Variants in KCNMB3 observed in about 807,000 individuals in gnomAD.
The protein encoded by KCNMB3 is calcium-activated potassium channel subunit beta-3.
Under a neutral mutation model 11.9 loss-of-function variants are expected in KCNMB3, and 18 were observed. That is an observed-to-expected ratio of 1.51 (90% CI 1.04 to 2.23). The LOEUF is 2.23. Among genes scored for constraint, KCNMB3 ranks in the 30% most tolerant of loss-of-function variants. The pLI is 0.00. For missense variants in KCNMB3, 247 were observed against 329.4 expected (o/e 0.75, Z 1.94); for synonymous variants, 78 against 119.2 (o/e 0.65, Z 2.25).
At chr3:179,253,617 C>G (rs1441047671), upstream of KCNMB3, among the ~76,000 whole-genome samples, 2 of 152,056 alleles carry the variant, frequency 1.3e-5, no homozygotes, top group Non-Finnish European at 1.5e-5. Flanking sequence ...ACCAGCCTGA[C>G]CAACATGGTG....
chr3:179,261,000 A>G, intron 1 of KCNMB3: 1 of 972,980 alleles, frequency 1.0e-6, no homozygotes, highest in East Asian at 2.4e-5. Context: ...ATGGATATAG[A>G]GGTGTCTCCG....
intron 1 of KCNMB3, chr3:179,259,489 C>T: frequency 6.2e-7 from 1 of 1,612,566 alleles, no homozygotes; most frequent in Non-Finnish European, 8.5e-7. Context: ...AGTTTTCCAT[C>T]CAACTTCATT....
intron 1 of KCNMB3, chr3:179,259,146 T>C (rs931757047): frequency 2.5e-6 from 4 of 1,573,200 alleles, no homozygotes; most frequent in Non-Finnish European, 2.6e-6. Context: ...TTTTAGGCTA[T>C]TGCTGTCTAA....
At chr3:179,251,737 G>GT (rs1175138803), upstream of KCNMB3, 189 of 964,010 alleles carry the variant, frequency 2.0e-4, no homozygotes, top group African/African-American at 2.7e-4. Context: ...GTGTTTTTTG[G>GT]TTTTTTTTGA....
chr3:179,261,392 G>A (rs1167654680), intron 1 of KCNMB3: 2 of 1,085,510 alleles, frequency 1.8e-6, no homozygotes, highest in African/African-American at 3.3e-5. Context: ...GCCACTCGCC[G>A]CGAAGTGAAC....
chr3:179,263,116 A>G lies in KCNMB3; in HGVS notation c.62+3533T>C, dbSNP rs778524428. 1.8e-4 allele frequency among the ~76,000 whole-genome samples: 27 copies of G among 152,216 alleles called. 1 individual carries two copies. Among genetic ancestry groups the G allele is most frequent in the Non-Finnish European group, 4.4e-5 (3 of 68,020 alleles). ...CGTGGAGCAGGGGGCAGCGCTCATC[A>G]GGGAGGCTCGGGCGGCACAGGAGCC... On this transcript the variant is annotated intron_variant, in intron 1 of 3. Coordinates refer to the KCNMB3 transcript ENST00000349697.
chr3:179,263,150 C>CG (rs1356676629), intron 1 of KCNMB3, among the ~76,000 whole-genome samples: 2 of 152,174 alleles, frequency 1.3e-5, no homozygotes, highest in African/African-American at 2.4e-5. Flanking sequence ...CCCACGGAGG[C>CG]GGGGGGAGGC....
At chr3:179,261,435 C>G (rs1370104465) in intron 1 of KCNMB3, among the ~76,000 whole-genome samples, 3 of 151,932 alleles carry the variant, frequency 2.0e-5, no homozygotes, top group African/African-American at 7.2e-5. Flanking sequence ...GCCAGCCCGC[C>G]GGGGAGCGGC....
chr3:179,239,925 C>T, downstream of KCNMB3: 1 of 876,696 alleles, frequency 1.1e-6, no homozygotes, highest in South Asian at 1.5e-5. Flanking sequence ...AGAATAATAA[C>T]AGTATCACTA....
intron 1 of KCNMB3, among the ~76,000 whole-genome samples, chr3:179,264,532 C>T (rs1415859244): frequency 6.6e-6 from 1 of 152,060 alleles, no homozygotes; most frequent in Non-Finnish European, 1.5e-5. Flanking sequence ...CAATATCCAC[C>T]ACCTTCTATT....
At chr3:179,240,567 T>C (rs1725429872), downstream of KCNMB3, 1 of 152,160 alleles carries the variant, frequency 6.6e-6, no homozygotes, top group African/African-American at 2.4e-5. Flanking sequence ...TTAATGCACA[T>C]AGGCATTAAC....
chr3:179,266,921 G>A (rs1726386155), exon 1 of KCNMB3: 1 of 1,410,972 alleles, frequency 7.1e-7, no homozygotes, highest in East Asian at 2.5e-5. Context: ...CTCCTGGCAA[G>A]GCGGAGCGGT....
chr3:179,248,418 C>T (rs1725717003), intron 1 of KCNMB3, among the ~76,000 whole-genome samples: 1 of 152,140 alleles, frequency 6.6e-6, no homozygotes, highest in Admixed American at 6.5e-5. Context: ...TTGCATATAA[C>T]TTTTGACTCC....
intron 1 of KCNMB3, chr3:179,259,033 G>A (rs11720935): frequency 0.51 from 828,695 of 1,613,184 alleles, 220,809 homozygotes; most frequent in East Asian, 0.87. Flanking sequence ...GACATGGTAC[G>A]GTCTTCTTTG....
At chr3:179,251,522 G>T, upstream of KCNMB3, 1 of 1,369,996 alleles carries the variant, frequency 7.3e-7, no homozygotes, top group Non-Finnish European at 9.4e-7. Context: ...GCCACTCATG[G>T]TTCTGCATAA....
At chr3:179,261,420 C>G (rs1726206757) in intron 1 of KCNMB3, 2 of 1,052,396 alleles carry the variant, frequency 1.9e-6, no homozygotes, top group African/African-American at 3.4e-5. Flanking sequence ...CTTCCGGGGC[C>G]AAGAGCCAGC....
intron 1 of KCNMB3, among the ~76,000 whole-genome samples, chr3:179,250,185 G>A (rs950265132): frequency 1.3e-5 from 2 of 152,180 alleles, no homozygotes; most frequent in Admixed American, 1.3e-4. Flanking sequence ...TGATCTTACT[G>A]TCTCAGGGGT....
At chr3:179,265,495 C>T (rs1349801379) in intron 1 of KCNMB3, among the ~76,000 whole-genome samples, 3 of 152,168 alleles carry the variant, frequency 2.0e-5, no homozygotes, top group Non-Finnish European at 2.9e-5. Context: ...TGGCTCTTGT[C>T]GCCCAGGCTG....
Position 179,243,102 on chromosome 3 carries a change from T to C in KCNMB3, c.630A>G (p.Leu210=). The C allele has an allele frequency of 6.5e-7, 1 of 1,547,476 alleles. No homozygotes were observed. Among genetic ancestry groups the C allele is most frequent in the Non-Finnish European group, 8.7e-7 (1 of 1,143,980 alleles). ...CTAGCAGAGTCAGTGAAGGCCAAAA[T>C]AAACAGTGGAAGATAGCCATTTGGT... is the stretch of plus-strand genomic sequence containing the variant. ...KYDQMAIFHC[L]FWPSLTLLGG... is the part of the protein sequence containing the mutation. Residue 210 remains leucine, a synonymous_variant, in exon 3 of 3, where the codon TTA becomes TTG. Transcript: ENST00000392685.
Sources: gnomAD v4.1 joint callset for allele counts (sites outside exome capture counted in the v4.1 genomes callset) on GRCh38, gnomAD v4.1.1 for gene constraint, MANE v1.5 for transcripts, NCBI Gene and HGNC (gene_info 2026-07-23, HGNC 2026-07-21) for gene names.